JARID2: variants seen among roughly 807,000 people sequenced by gnomAD.
JARID2 encodes protein Jumonji.
In JARID2, 21 loss-of-function variants were observed where a neutral mutation model predicts 125.6. The observed-to-expected ratio is 0.17, with a 90% CI of 0.12 to 0.24. The LOEUF (loss-of-function observed/expected upper bound fraction) is 0.24, where lower values mean the gene tolerates loss of function less well. Ranked by LOEUF, JARID2 falls within the 10% of genes least tolerant of loss-of-function variation. The probability of loss-of-function intolerance (pLI) is 1.00; values close to 1 mark genes in which losing one functional copy is unlikely to be tolerated. For missense variants in JARID2, 1,303 were observed against 1,639.6 expected (o/e 0.79, Z 3.55); for synonymous variants, 736 against 661.6 (o/e 1.11, Z -1.73).
intron 1 of JARID2, among the ~76,000 whole-genome samples, chr6:15,288,253 A>G (rs1299889629): frequency 6.7e-6 from 1 of 150,156 alleles, no homozygotes; most frequent in Non-Finnish European, 1.5e-5. Flanking sequence ...GTTTTTGCTC[A>G]TGGCAGAAGG....
chr6:15,389,000 G>A (rs1368199156), intron 2 of JARID2, among the ~76,000 whole-genome samples: 3 of 152,028 alleles, frequency 2.0e-5, no homozygotes, highest in African/African-American at 2.4e-5. Flanking sequence ...TCTTGGTGAC[G>A]GGGAAGGCCA....
intron 2 of JARID2, among the ~76,000 whole-genome samples, chr6:15,394,283 T>C (rs1249852204): frequency 1.3e-5 from 2 of 152,158 alleles, no homozygotes; most frequent in African/African-American, 4.8e-5. Flanking sequence ...GCTTACTCTT[T>C]GACAGCATAA....
intron 2 of JARID2, among the ~76,000 whole-genome samples, chr6:15,385,420 G>A (rs1764746107): frequency 6.6e-6 from 1 of 152,026 alleles, no homozygotes; most frequent in African/African-American, 2.4e-5. Context: ...CTCACTGCCT[G>A]ACATTGTAGT....
chr6:15,445,989 C>T (rs1767656733), intron 3 of JARID2, among the ~76,000 whole-genome samples: 1 of 152,142 alleles, frequency 6.6e-6, no homozygotes, highest in African/African-American at 2.4e-5. Context: ...CTAACTTTAC[C>T]TGGAGCACAA....
chr6:15,270,595 A>G (rs1323129207), intron 1 of JARID2, among the ~76,000 whole-genome samples: 3 of 152,222 alleles, frequency 2.0e-5, no homozygotes, highest in Non-Finnish European at 4.4e-5. Flanking sequence ...CTTTGGACTT[A>G]GCAGTGACTG....
At chr6:15,369,379 A>G (rs911672717) in intron 1 of JARID2, 12 of 402,676 alleles carry the variant, frequency 3.0e-5, no homozygotes, top group African/African-American at 4.1e-5. Context: ...AAGAAATTCT[A>G]TTATTTTCAA....
rs745715868 is a variant in JARID2, at chr6:15,501,362, G to A, written c.2401G>A (p.Glu801Lys). The change falls in exon 8 of 18, where the codon GAG (glutamate) becomes AAG (lysine). Residue 801 changes from glutamate to lysine, a missense_variant. Glu to Lys is a moderately conservative substitution (Grantham distance 56). Transcript: ENST00000341776. Reference protein sequence around the residue: ...AQEKEVVKEEEEDKGVLNDFH... With the variant: ...AQEKEVVKEEKEDKGVLNDFH... ...GGAAAAAGAAGTGGTCAAGGAAGAG[G>A]AGGAGGACAAAGGCGTCCTCAATGA... 6.3e-7 allele frequency: 1 copy of A among 1,588,582 alleles called. No homozygotes were observed. Among genetic ancestry groups the A allele is most frequent in the South Asian group, 1.1e-5 (1 of 88,246 alleles).
chr6:15,405,429 T>G (rs1292184087), intron 2 of JARID2, among the ~76,000 whole-genome samples: 1 of 152,240 alleles, frequency 6.6e-6, no homozygotes, highest in East Asian at 1.9e-4. Flanking sequence ...TCCCGTCAGC[T>G]GATGGTGACT....
rs1770912445 is a variant in JARID2 at position 15,504,725 on chromosome 6, C to CT, written c.2541+134dup. 4.7e-6 allele frequency: 3 copies of CT among 637,712 alleles called. No homozygotes were observed. In the South Asian group the frequency reaches 5.3e-5, roughly 11 times the overall value. 39.5% of individuals were successfully genotyped at this position (637,712 alleles called of 1,614,324 possible). On this transcript the variant is annotated intron_variant, in intron 9 of 17. Coordinates refer to ENST00000341776, the MANE Select transcript of JARID2 (RefSeq NM_004973.4). ...ACTCAGATGGGGCTGAGTTCGTCCT[C>CT]TGTGTTGAGCGTGCACCAGGGCAGC...
chr6:15,319,594 C>T (rs571183581), intron 1 of JARID2, among the ~76,000 whole-genome samples: 8 of 152,010 alleles, frequency 5.3e-5, no homozygotes, highest in East Asian at 1.9e-4. Flanking sequence ...TTAGTAGAGA[C>T]GGGGTTTCAC....
chr6:15,261,301 T>C (rs1329190030), intron 1 of JARID2, among the ~76,000 whole-genome samples: 2 of 127,530 alleles, frequency 1.6e-5, no homozygotes, highest in Non-Finnish European at 3.2e-5. Context: ...TGGTGTTTTT[T>C]CTTCTTCTTC....
In JARID2 at chr6:15,287,359, G is replaced by T. The variant is rs549483961; in HGVS notation, c.45+40775G>T. 1.1e-4 allele frequency among the ~76,000 whole-genome samples: 17 copies of T among 152,308 alleles called. No individual in the cohort carries two copies. In the South Asian group the frequency reaches 3.5e-3, roughly 32 times the overall value. On this transcript the variant is annotated intron_variant, in intron 1 of 17. Transcript: ENST00000341776. ...CATCAAAATGATAAAGAACAAATTTGTGATATGGTAATATGTTTCTTTGTC... is the reference window on the plus strand; with the variant it reads ...CATCAAAATGATAAAGAACAAATTTTTGATATGGTAATATGTTTCTTTGTC...
chr6:15,282,860 C>T (rs1460933844), intron 1 of JARID2, among the ~76,000 whole-genome samples: 1 of 152,340 alleles, frequency 6.6e-6, no homozygotes, highest in African/African-American at 2.4e-5. Context: ...CTCGGCCTCC[C>T]AAAGTGCTGG....
intron 2 of JARID2, among the ~76,000 whole-genome samples, chr6:15,391,743 G>C (rs1765017857): frequency 6.6e-6 from 1 of 152,094 alleles, no homozygotes; most frequent in Non-Finnish European, 1.5e-5. Flanking sequence ...CCAGTAACTG[G>C]GTGTCTAGGA....
At chr6:15,415,504 C>A (rs1277359177) in intron 3 of JARID2, among the ~76,000 whole-genome samples, 1 of 130,192 alleles carries the variant, frequency 7.7e-6, no homozygotes, top group African/African-American at 2.7e-5. Context: ...CTCCTCACTT[C>A]CCAGTAGGGG....
intron 2 of JARID2, among the ~76,000 whole-genome samples, chr6:15,404,290 T>C (rs1001768924): frequency 5.9e-5 from 9 of 152,336 alleles, no homozygotes; most frequent in African/African-American, 1.9e-4. Flanking sequence ...GCAAACTCCA[T>C]GTTCATATTG....
chr6:15,254,171 C>T (rs532684434), intron 1 of JARID2, among the ~76,000 whole-genome samples: 11 of 152,302 alleles, frequency 7.2e-5, no homozygotes, highest in African/African-American at 2.2e-4. Flanking sequence ...CTGGCTGTCT[C>T]TTTGAGTCAT....
intron 1 of JARID2, among the ~76,000 whole-genome samples, chr6:15,292,191 T>TG (rs1317602977): frequency 6.6e-6 from 1 of 152,046 alleles, no homozygotes; most frequent in Non-Finnish European, 1.5e-5. Flanking sequence ...TAATTTTTTT[T>TG]TTTGTATTTT....
rs1023268498 is a variant in JARID2 at position 15,497,214 on chromosome 6, C to T, written c.1945+44C>T. 24 of 1,373,090 alleles carry T rather than the reference C, an allele frequency of 1.7e-5. No homozygotes were observed. The African/African-American group carries it at 2.9e-4, about 17-fold the overall frequency. 85.1% of individuals were successfully genotyped at this position (1,373,090 alleles called of 1,614,324 possible). ...TCAGGGGGTGGTGCCTGCCCTCCTG[C>T]CCCCAGATCCCTGCAGTTCCCTCAC... On this transcript the variant is annotated intron_variant, in intron 7 of 17. Transcript: ENST00000341776.
Sources: allele counts gnomAD v4.1 joint callset (sites outside exome capture counted in the v4.1 genomes callset), GRCh38; gene constraint gnomAD v4.1.1; transcripts MANE v1.5; gene names NCBI Gene and HGNC (gene_info 2026-07-23, HGNC 2026-07-21).